CCDC12: variants seen among roughly 807,000 people sequenced by gnomAD.
The protein encoded by CCDC12 is coiled-coil domain-containing protein 12.
In CCDC12, 28 loss-of-function variants were observed where a neutral mutation model predicts 25.7. The ratio of observed to expected loss-of-function variants is 1.09; its 90% CI spans 0.81 to 1.50. The LOEUF is 1.50. CCDC12 is among the 40% of genes most tolerant of loss of function. The probability of loss-of-function intolerance (pLI) is 0.00; values close to 1 mark genes in which losing one functional copy is unlikely to be tolerated. For missense variants in CCDC12, 198 were observed against 210.0 expected (o/e 0.94, Z 0.35); for synonymous variants, 75 against 87.7 (o/e 0.86, Z 0.81).
chr3:46,940,911 C>G, intron 2 of CCDC12, 87 bp downstream of exon 2: 1 of 1,298,392 alleles, frequency 7.7e-7, no homozygotes, highest in Non-Finnish European at 1.1e-6. Flanking sequence ...AGGGCAGACA[C>G]TGAACAGAGT....
At chr3:46,925,864 G>A (rs1480218792) in intron 2 of CCDC12, among the ~76,000 whole-genome samples, 1 of 152,248 alleles carries the variant, frequency 6.6e-6, no homozygotes, top group Admixed American at 6.5e-5. Flanking sequence ...TAAGGGGACT[G>A]GAGGTCAGAG....
chr3:46,957,182 T>C (rs887583856), intron 1 of CCDC12, among the ~76,000 whole-genome samples: 1 of 152,122 alleles, frequency 6.6e-6, no homozygotes, highest in Admixed American at 6.5e-5. Flanking sequence ...AATGGTGAGT[T>C]GTGACCTGCA....
At chr3:46,972,783 A>AGAAAG (rs59050372) in intron 1 of CCDC12, among the ~76,000 whole-genome samples, 5 of 151,192 alleles carry the variant, frequency 3.3e-5, no homozygotes, top group African/African-American at 1.2e-4. Context: ...TAAAAAAAAA[A>AGAAAG]AAAGAAAGAA....
intron 1 of CCDC12, among the ~76,000 whole-genome samples, chr3:46,949,777 C>G (rs1239076538): frequency 6.6e-6 from 1 of 152,156 alleles, no homozygotes; most frequent in Non-Finnish European, 1.5e-5. Flanking sequence ...GCCTGTAATC[C>G]CAGCACTTTG....
At chr3:46,926,131 A>G (rs996688680) in intron 2 of CCDC12, among the ~76,000 whole-genome samples, 1 of 152,176 alleles carries the variant, frequency 6.6e-6, no homozygotes, top group Non-Finnish European at 1.5e-5. Flanking sequence ...GGCAGTGAGG[A>G]GTGACATGTG....
chr3:46,927,570 G>A (rs1165466071), intron 2 of CCDC12, among the ~76,000 whole-genome samples: 4 of 152,144 alleles, frequency 2.6e-5, no homozygotes, highest in Non-Finnish European at 2.9e-5. Context: ...CAAGAGGCGG[G>A]AGCAGAGCCT....
chr3:46,971,570 T>TA (rs2034804026), intron 1 of CCDC12, among the ~76,000 whole-genome samples: 1 of 152,234 alleles, frequency 6.6e-6, no homozygotes, highest in African/African-American at 2.4e-5. Flanking sequence ...TTGCAACCCC[T>TA]AATCTTGTCT....
At chr3:46,966,538 A>C (rs1375301024) in intron 1 of CCDC12, among the ~76,000 whole-genome samples, 1 of 152,076 alleles carries the variant, frequency 6.6e-6, no homozygotes, top group African/African-American at 2.4e-5. Flanking sequence ...AAAGAAAGAA[A>C]GAAAGAACGA....
chr3:46,951,086 A>G (rs1459726001), intron 1 of CCDC12, among the ~76,000 whole-genome samples: 1 of 152,168 alleles, frequency 6.6e-6, no homozygotes, highest in Non-Finnish European at 1.5e-5. Flanking sequence ...GTGAGCTGTA[A>G]CTGAACTACT....
chr3:46,936,864 G>A (rs185186145), intron 2 of CCDC12, among the ~76,000 whole-genome samples: 74 of 152,322 alleles, frequency 4.9e-4, no homozygotes, highest in African/African-American at 1.3e-3. Flanking sequence ...ATAGGGAGCC[G>A]AGACACTCAC....
intron 5 of CCDC12, chr3:46,922,752 A>G (rs2032740789): frequency 1.3e-5 from 3 of 230,528 alleles, no homozygotes; most frequent in Non-Finnish European, 2.6e-5. Flanking sequence ...CCCAGGACAT[A>G]TGCCCCATGC....
chr3:46,946,605 G>A lies in CCDC12; in HGVS notation c.97-5540C>T, dbSNP rs962646590. Among the ~76,000 whole-genome samples, 11 of 152,342 alleles carry A rather than the reference G, an allele frequency of 7.2e-5. 1 individual carries two copies. The Middle Eastern group carries it at 0.01, about 141-fold the overall frequency. ...CACAGGGCATTCCTCCAGCACCGTG[G>A]GAGGGCTGAGCCCAGCATGAGGGCC... is the stretch of plus-strand genomic sequence containing the variant. On this transcript the variant is annotated intron_variant, in intron 1 of 6. Coordinates refer to ENST00000683445, the MANE Select transcript of CCDC12 (RefSeq NM_001277074.2).
chr3:46,954,509 C>T (rs6768169), intron 1 of CCDC12, among the ~76,000 whole-genome samples: 142,761 of 152,300 alleles, frequency 0.94, 67,629 homozygotes, highest in East Asian at 1. Context: ...TGCCAACGGC[C>T]CTCACTCAAA....
At chr3:46,931,858 T>G (rs968876419) in intron 2 of CCDC12, among the ~76,000 whole-genome samples, 1 of 152,192 alleles carries the variant, frequency 6.6e-6, no homozygotes, top group African/African-American at 2.4e-5. Context: ...CAAAGAACAC[T>G]TTCATTTTTA....
rs142200183 is a variant in CCDC12, at chr3:46,924,660, C to T, written c.244+796G>A. On this transcript the variant is annotated intron_variant, in intron 3 of 6. Coordinates refer to ENST00000683445, the MANE Select transcript of CCDC12 (RefSeq NM_001277074.2). ...AGGAGGAGTTCAAGACCAGCCTGGC[C>T]GACATGGTGAAACCCTGTCTCTACT... Among the ~76,000 whole-genome samples the T allele has an allele frequency of 4.5e-4, 68 of 152,122 alleles. No individual in the cohort carries two copies. In the South Asian group the frequency reaches 0.013, roughly 30 times the overall value.
chr3:46,926,252 C>T (rs1448854398), intron 2 of CCDC12, among the ~76,000 whole-genome samples: 1 of 152,148 alleles, frequency 6.6e-6, no homozygotes, highest in Non-Finnish European at 1.5e-5. Flanking sequence ...TGCAATGACG[C>T]GGACAGGGTC....
chr3:46,970,822 AAG>A (rs66885627), intron 1 of CCDC12, among the ~76,000 whole-genome samples: 74,585 of 152,000 alleles, frequency 0.49, 19,773 homozygotes, highest in Non-Finnish European at 0.58. Context: ...CAGCACTGTA[AAG>A]AGATGCCAGA....
intron 1 of CCDC12, among the ~76,000 whole-genome samples, chr3:46,946,503 C>CAAGAGCACTGTCACA (rs1162563989): frequency 6.6e-6 from 1 of 152,244 alleles, no homozygotes; most frequent in Admixed American, 6.5e-5. Context: ...GAGAGCGGAG[C>CAAGAGCACTGTCACA]AAGAGCACTG....
chr3:46,969,421 T>C (rs979951403), intron 1 of CCDC12, among the ~76,000 whole-genome samples: 3 of 152,200 alleles, frequency 2.0e-5, no homozygotes, highest in South Asian at 2.1e-4. Flanking sequence ...TTTGTAGAGA[T>C]GGTGTCTTGT....
Sources: allele counts gnomAD v4.1 joint callset (sites outside exome capture counted in the v4.1 genomes callset), GRCh38; gene constraint gnomAD v4.1.1; transcripts MANE v1.5; gene names NCBI Gene and HGNC (gene_info 2026-07-23, HGNC 2026-07-21).